Variants in GRID2 observed in about 807,000 individuals in gnomAD.
GRID2 encodes glutamate receptor ionotropic, delta-2.
Under a neutral mutation model 114.8 loss-of-function variants are expected in GRID2, and 33 were observed. That is an observed-to-expected ratio of 0.29 (90% CI 0.22 to 0.38). The LOEUF (loss-of-function observed/expected upper bound fraction) is 0.38, where lower values mean the gene tolerates loss of function less well. Among genes scored for constraint, GRID2 ranks in the 10% least tolerant of loss-of-function variants. The pLI is 1.00. For synonymous variants in GRID2, 505 were observed against 449.9 expected (o/e 1.12, Z -1.55); for missense variants, 1,184 against 1,257.7 (o/e 0.94, Z 0.89).
chr4:93,121,486 T>C (rs1349666802), intron 4 of GRID2, among the ~76,000 whole-genome samples: 1 of 152,202 alleles, frequency 6.6e-6, no homozygotes, highest in Non-Finnish European at 1.5e-5. Flanking sequence ...TTGAAGTTTG[T>C]AGAAAAAATT....
intron 1 of GRID2, among the ~76,000 whole-genome samples, chr4:92,329,860 A>C (rs1057023675): frequency 2.0e-5 from 3 of 151,934 alleles, no homozygotes; most frequent in Non-Finnish European, 4.4e-5. Context: ...GTCTGAGGAA[A>C]TGACATACAA....
chr4:93,382,940 A>C (rs929885097), intron 8 of GRID2, among the ~76,000 whole-genome samples: 3 of 151,648 alleles, frequency 2.0e-5, no homozygotes, highest in Non-Finnish European at 4.4e-5. Flanking sequence ...TGTAGACTAG[A>C]CTGTCTCTGT....
chr4:92,879,843 A>G lies in GRID2; in HGVS notation c.245-205152A>G, dbSNP rs116023260. The stretch of plus-strand genomic sequence containing the variant: ...TTAGTGGTGAAACTCCTCATTACGG[A>G]AAGTCAAGTATGCAACTGTTCTTTG... On this transcript the variant is annotated intron_variant, in intron 2 of 15. Transcript: ENST00000282020. Among the ~76,000 whole-genome samples, 924 of 152,348 alleles carry G rather than the reference A, an allele frequency of 6.1e-3. 13 individuals are homozygous for G. Among genetic ancestry groups the G allele is most frequent in the African/African-American group, 0.021 (882 of 41,576 alleles).
intron 2 of GRID2, among the ~76,000 whole-genome samples, chr4:93,080,812 A>C (rs1729792708): frequency 6.6e-6 from 1 of 152,182 alleles, no homozygotes; most frequent in African/African-American, 2.4e-5. Context: ...TTTATAATAA[A>C]CAGAAACTTA....
intron 9 of GRID2, among the ~76,000 whole-genome samples, chr4:93,418,612 G>A (rs1236670783): frequency 6.6e-6 from 1 of 151,882 alleles, no homozygotes; most frequent in African/African-American, 2.4e-5. Flanking sequence ...TTCTATTATT[G>A]AAGAATTATT....
intron 14 of GRID2, among the ~76,000 whole-genome samples, chr4:93,722,341 C>T (rs907935879): frequency 6.6e-6 from 1 of 152,126 alleles, no homozygotes; most frequent in Non-Finnish European, 1.5e-5. Flanking sequence ...ATGAGAGAAT[C>T]AAGGAAATTA....
At chr4:93,782,919 ACAC>A (rs1342146361) in intron 1 of GRID2, among the ~76,000 whole-genome samples, 6 of 150,656 alleles carry the variant, frequency 4.0e-5, no homozygotes, top group Non-Finnish European at 8.9e-5. Flanking sequence ...ACACACACAC[ACAC>A]AAACTAATCT....
chr4:92,505,422 C>T (rs1723911210), intron 1 of GRID2, among the ~76,000 whole-genome samples: 1 of 151,902 alleles, frequency 6.6e-6, no homozygotes, highest in African/African-American at 2.4e-5. Context: ...TTCTTTCTTC[C>T]TTCTTCCTTT....
chr4:93,134,930 T>A (rs1735110273), intron 4 of GRID2, among the ~76,000 whole-genome samples: 2 of 152,118 alleles, frequency 1.3e-5, no homozygotes, highest in Non-Finnish European at 2.9e-5. Context: ...TACCCTTTAC[T>A]GAGTTTCACC....
At chr4:92,822,239 C>T (rs1326780422) in intron 2 of GRID2, 4 of 541,768 alleles carry the variant, frequency 7.4e-6, no homozygotes, top group East Asian at 9.8e-5. Flanking sequence ...CACCACATAG[C>T]ATATCAAGGT....
At chr4:93,404,168 T>A (rs1409780490) in intron 9 of GRID2, among the ~76,000 whole-genome samples, 1 of 152,134 alleles carries the variant, frequency 6.6e-6, no homozygotes, top group East Asian at 1.9e-4. Flanking sequence ...ATGTTCAGAA[T>A]AGACAAATCT....
At chr4:92,736,843 T>C (rs1334827048) in intron 2 of GRID2, among the ~76,000 whole-genome samples, 9 of 152,016 alleles carry the variant, frequency 5.9e-5, no homozygotes, top group Non-Finnish European at 1.3e-4. Context: ...GTAAAGTTTA[T>C]AGAAGGAAGA....
At chr4:92,474,703 T>C (rs1244945799) in intron 1 of GRID2, among the ~76,000 whole-genome samples, 3 of 152,002 alleles carry the variant, frequency 2.0e-5, no homozygotes, top group Non-Finnish European at 4.4e-5. Context: ...TTTACAATAG[T>C]GTGAAGTGAT....
chr4:93,177,236 C>CTT (rs137906390), intron 4 of GRID2, among the ~76,000 whole-genome samples: 12 of 150,446 alleles, frequency 8.0e-5, no homozygotes, highest in African/African-American at 2.9e-4. Flanking sequence ...TGAAAAAACT[C>CTT]TTTTTTTTTG....
At chr4:93,583,617 A>G (rs1737214150) in intron 13 of GRID2, among the ~76,000 whole-genome samples, 1 of 152,136 alleles carries the variant, frequency 6.6e-6, no homozygotes, top group South Asian at 2.1e-4. Context: ...TGAAGTTCAA[A>G]AAGGCTCAGT....
At chr4:93,724,155 C>A (rs1729632572) in intron 14 of GRID2, among the ~76,000 whole-genome samples, 1 of 152,186 alleles carries the variant, frequency 6.6e-6, no homozygotes, top group African/African-American at 2.4e-5. Context: ...ACTTTTTCCT[C>A]AAACTTCTGT....
At chr4:92,326,441 A>G (rs1726602039) in intron 1 of GRID2, among the ~76,000 whole-genome samples, 1 of 151,920 alleles carries the variant, frequency 6.6e-6, no homozygotes, top group Admixed American at 6.6e-5. Context: ...TGCCACTATC[A>G]TGAATGTAAT....
At chr4:92,911,173 C>T (rs1218547528) in intron 2 of GRID2, among the ~76,000 whole-genome samples, 1 of 151,886 alleles carries the variant, frequency 6.6e-6, no homozygotes, top group Non-Finnish European at 1.5e-5. Context: ...CCGAACAGTG[C>T]TAACTAGATG....
chr4:92,601,745 A>G (rs1254669547), intron 2 of GRID2, among the ~76,000 whole-genome samples: 9 of 151,828 alleles, frequency 5.9e-5, no homozygotes, highest in Non-Finnish European at 1.2e-4. Context: ...ATTTATTATT[A>G]TTTATTTAAA....
Sources: gnomAD v4.1 joint callset for allele counts (sites outside exome capture counted in the v4.1 genomes callset) on GRCh38, gnomAD v4.1.1 for gene constraint, MANE v1.5 for transcripts, NCBI Gene and HGNC (gene_info 2026-07-23, HGNC 2026-07-21) for gene names.